Variants in OXR1 observed in about 807,000 individuals in gnomAD.
OXR1 encodes oxidation resistance protein 1.
Under a neutral mutation model 104.6 loss-of-function variants are expected in OXR1, and 41 were observed. That is an observed-to-expected ratio of 0.39 (90% CI 0.31 to 0.51). The LOEUF (loss-of-function observed/expected upper bound fraction) is 0.51. OXR1 is among the 20% of genes least tolerant of loss of function. OXR1 has a pLI of 0.77. For missense variants in OXR1, 955 were observed against 1,031.9 expected, an observed-to-expected ratio of 0.93 and a Z score of 1.02; for synonymous variants, 348 against 348.4, an observed-to-expected ratio of 1.00 and a Z score of 0.01.
At chr8:106,722,478 G>A (rs1377726465) in intron 11 of OXR1, among the ~76,000 whole-genome samples, 2 of 151,942 alleles carry the variant, frequency 1.3e-5, no homozygotes, top group African/African-American at 2.4e-5. Context: ...TTCATAATAC[G>A]GTCATGCAGC....
chr8:106,633,982 T>C (rs1822921939), intron 3 of OXR1, among the ~76,000 whole-genome samples: 1 of 152,228 alleles, frequency 6.6e-6, no homozygotes, highest in Admixed American at 6.5e-5. Context: ...ACATAATTCA[T>C]ATTGGATTTA....
chr8:106,629,073 C>A (rs558726843), intron 3 of OXR1, among the ~76,000 whole-genome samples: 1 of 152,140 alleles, frequency 6.6e-6, no homozygotes, highest in African/African-American at 2.4e-5. Context: ...AAATCACCCT[C>A]TTTTACTTCA....
At chr8:106,316,962 C>A (rs1174540462) in intron 1 of OXR1, among the ~76,000 whole-genome samples, 2 of 152,020 alleles carry the variant, frequency 1.3e-5, no homozygotes, top group East Asian at 3.9e-4. Flanking sequence ...CCCTCGCCTC[C>A]CGGGTTCAAG....
intron 2 of OXR1, among the ~76,000 whole-genome samples, chr8:106,374,867 G>A (rs1816848264): frequency 1.3e-5 from 2 of 152,144 alleles, no homozygotes; most frequent in African/African-American, 4.8e-5. Context: ...ATTTCATGTA[G>A]GAGGAATATT....
chr8:106,410,943 T>A (rs1303712658), intron 2 of OXR1, among the ~76,000 whole-genome samples: 1 of 152,162 alleles, frequency 6.6e-6, no homozygotes, highest in Non-Finnish European at 1.5e-5. Flanking sequence ...ATTCACCTTT[T>A]TATTGATTTA....
intron 1 of OXR1, among the ~76,000 whole-genome samples, chr8:106,316,471 C>G (rs1453828602): frequency 6.6e-6 from 1 of 152,120 alleles, no homozygotes; most frequent in Admixed American, 6.5e-5. Flanking sequence ...CATCTTCTTA[C>G]CTCTGTTGGT....
At chr8:106,372,922 A>C (rs776481188) in intron 2 of OXR1, among the ~76,000 whole-genome samples, 4 of 152,234 alleles carry the variant, frequency 2.6e-5, no homozygotes, top group African/African-American at 9.6e-5. Flanking sequence ...GTGGAAATTC[A>C]GAATATACAA....
intron 3 of OXR1, among the ~76,000 whole-genome samples, chr8:106,560,431 T>C (rs1563605699): frequency 6.6e-6 from 1 of 152,182 alleles, no homozygotes; most frequent in African/African-American, 2.4e-5. Flanking sequence ...TTTACTTCTA[T>C]GGGAGTTGTG....
chr8:106,735,578 G>C (rs549770224), intron 11 of OXR1, among the ~76,000 whole-genome samples: 138 of 152,130 alleles, frequency 9.1e-4, no homozygotes, highest in African/African-American at 3.2e-3. Flanking sequence ...TTGTTAACTG[G>C]AGGGATAGAA....
At chr8:106,313,540 G>T (rs1000117717) in intron 1 of OXR1, among the ~76,000 whole-genome samples, 1 of 152,152 alleles carries the variant, frequency 6.6e-6, no homozygotes, top group Non-Finnish European at 1.5e-5. Context: ...ACTGTGGAAG[G>T]ATATTTTTTT....
At chr8:106,443,585 G>A (rs1819883755) in intron 2 of OXR1, among the ~76,000 whole-genome samples, 1 of 151,950 alleles carries the variant, frequency 6.6e-6, no homozygotes, top group Non-Finnish European at 1.5e-5. Flanking sequence ...TATAAATCTG[G>A]GTGTTCCTGT....
At chr8:106,416,469 A>G (rs951413056) in intron 2 of OXR1, among the ~76,000 whole-genome samples, 5 of 152,074 alleles carry the variant, frequency 3.3e-5, no homozygotes, top group East Asian at 1.9e-4. Flanking sequence ...ATTTTATTTC[A>G]TTATTTTAGA....
chr8:106,699,292 A>G (rs1012366237), intron 7 of OXR1, among the ~76,000 whole-genome samples: 2 of 152,168 alleles, frequency 1.3e-5, no homozygotes, highest in African/African-American at 4.8e-5. Context: ...CGATACATGT[A>G]GGTGGTAATC....
chr8:106,622,238 C>T (rs780497644), intron 3 of OXR1, among the ~76,000 whole-genome samples: 1 of 152,084 alleles, frequency 6.6e-6, no homozygotes, highest in African/African-American at 2.4e-5. Context: ...ACTGCTTCCT[C>T]CTCGGTCCAA....
intron 3 of OXR1, among the ~76,000 whole-genome samples, chr8:106,571,260 AT>A (rs1259983252): frequency 2.0e-5 from 3 of 152,056 alleles, no homozygotes; most frequent in African/African-American, 7.2e-5. Flanking sequence ...AAGTCTGGAA[AT>A]CAGAGATCAG....
At chr8:106,534,103 CG>C (rs1342328243) in intron 3 of OXR1, among the ~76,000 whole-genome samples, 1 of 152,060 alleles carries the variant, frequency 6.6e-6, no homozygotes, top group Admixed American at 6.5e-5. Context: ...TTAATGTGCA[CG>C]GGGGATCTTA....
chr8:106,365,006 A>G (rs1023935185), intron 2 of OXR1, among the ~76,000 whole-genome samples: 2 of 152,214 alleles, frequency 1.3e-5, no homozygotes, highest in Admixed American at 6.5e-5. Context: ...TTGTGGAACA[A>G]TCAGGACCTG....
chr8:106,375,136 A>G (rs1816857109), intron 2 of OXR1, among the ~76,000 whole-genome samples: 1 of 152,190 alleles, frequency 6.6e-6, no homozygotes, highest in African/African-American at 2.4e-5. Context: ...ACATTCAGAT[A>G]CAGAATTTGC....
chr8:106,677,568 A>G (rs1006471738), intron 3 of OXR1, among the ~76,000 whole-genome samples: 10 of 152,078 alleles, frequency 6.6e-5, no homozygotes, highest in African/African-American at 2.4e-4. Context: ...TATAGTTTAA[A>G]TTTGCATTTA....
Sources: allele counts gnomAD v4.1 joint callset (sites outside exome capture counted in the v4.1 genomes callset), GRCh38; gene constraint gnomAD v4.1.1; transcripts MANE v1.5; gene names NCBI Gene and HGNC (gene_info 2026-07-23, HGNC 2026-07-21).